The following ATP2B2 variants were observed in gnomAD, a reference collection of about 807,000 sequenced individuals.
The protein encoded by ATP2B2 is plasma membrane calcium-transporting ATPase 2.
In ATP2B2, 15 loss-of-function variants were observed where a neutral mutation model predicts 120.0. The ratio of observed to expected loss-of-function variants is 0.12; its 90% CI spans 0.08 to 0.19. The LOEUF is 0.19. Among genes scored for constraint, ATP2B2 ranks in the 10% least tolerant of loss-of-function variants. The probability of loss-of-function intolerance (pLI) is 1.00; values close to 1 mark genes in which losing one functional copy is unlikely to be tolerated. For synonymous variants in ATP2B2, 694 were observed against 700.3 expected (o/e 0.99, Z 0.14); for missense variants, 1,045 against 1,719.8 (o/e 0.61, Z 6.94).
rs1185431696 is a variant in ATP2B2, at chr3:10,400,977, C to T, written c.757G>A (p.Asp253Asn). The change falls in exon 5 of 23, where the codon GAC (aspartate) becomes AAC (asparagine). Residue 253 changes from aspartate (D) to asparagine (N), a missense_variant. By Grantham distance (23) the Asp-to-Asn change is conservative. Transcript: ENST00000360273. ...GESDQVRKSV[D>N]KDPMLLSGTH... ...CCTGACAGCAGCATGGGGTCCTTGTCCACGGACTTGCGCACCTGGTCAGAC... is the reference window on the plus strand; with the variant it reads ...CCTGACAGCAGCATGGGGTCCTTGTTCACGGACTTGCGCACCTGGTCAGAC... The T allele has an allele frequency of 1.2e-6, 2 of 1,614,120 alleles. No homozygotes were observed. The highest frequency in any genetic ancestry group is 1.7e-6 in the Non-Finnish European group (2 of 1,180,014).
intron 1 of ATP2B2, among the ~76,000 whole-genome samples, chr3:10,476,765 C>G (rs1261958024): frequency 6.6e-6 from 1 of 152,254 alleles, no homozygotes; most frequent in Non-Finnish European, 1.5e-5. Flanking sequence ...TAAATTTTTT[C>G]TGCCTCCTTC....
chr3:10,651,589 T>C (rs915752410), intron 1 of ATP2B2, among the ~76,000 whole-genome samples: 5 of 152,190 alleles, frequency 3.3e-5, no homozygotes, highest in African/African-American at 9.7e-5. Flanking sequence ...CTCAGCCACA[T>C]GAAAATGGAG....
chr3:10,525,933 C>T (rs1340098356), intron 3 of ATP2B2, among the ~76,000 whole-genome samples: 3 of 152,174 alleles, frequency 2.0e-5, no homozygotes, highest in African/African-American at 4.8e-5. Context: ...GTATTCATTA[C>T]ACAGTAGATG....
chr3:10,445,068 G>A (rs2063793165), intron 2 of ATP2B2, among the ~76,000 whole-genome samples: 1 of 152,244 alleles, frequency 6.6e-6, no homozygotes, highest in African/African-American at 2.4e-5. Context: ...GGCACCGCCA[G>A]TGTCTTGTCT....
At chr3:10,351,969 T>C (rs1044628168) in intron 14 of ATP2B2, among the ~76,000 whole-genome samples, 1 of 152,218 alleles carries the variant, frequency 6.6e-6, no homozygotes, top group Non-Finnish European at 1.5e-5. Flanking sequence ...GACAGCAAAC[T>C]GCTCTTGAGC....
intron 2 of ATP2B2, among the ~76,000 whole-genome samples, chr3:10,583,112 G>A (rs1482753461): frequency 2.0e-5 from 3 of 152,154 alleles, no homozygotes; most frequent in Non-Finnish European, 4.4e-5. Flanking sequence ...TCACGACCTC[G>A]GTTTGCTCAA....
intron 2 of ATP2B2, chr3:10,566,115 C>A (rs2068004363): frequency 1.3e-5 from 2 of 152,484 alleles, no homozygotes; most frequent in Admixed American, 6.5e-5. Flanking sequence ...CCCTCCAACT[C>A]TCTTATTCAT....
At chr3:10,526,313 C>T (rs1315123118) in intron 3 of ATP2B2, among the ~76,000 whole-genome samples, 1 of 152,174 alleles carries the variant, frequency 6.6e-6, no homozygotes, top group East Asian at 1.9e-4. Flanking sequence ...TGAGCATGAC[C>T]CCCAGACTGT....
intron 8 of ATP2B2, among the ~76,000 whole-genome samples, chr3:10,380,750 C>T (rs1031360187): frequency 6.6e-6 from 1 of 152,204 alleles, no homozygotes; most frequent in Non-Finnish European, 1.5e-5. Context: ...CTTCATTTCA[C>T]CACCAACTAG....
chr3:10,672,742 G>A (rs2071132641), intron 1 of ATP2B2, among the ~76,000 whole-genome samples: 1 of 152,238 alleles, frequency 6.6e-6, no homozygotes, highest in African/African-American at 2.4e-5. Flanking sequence ...AGAAAGTGCT[G>A]TAAAATGACA....
At chr3:10,696,386 G>A (rs1020400377) in intron 1 of ATP2B2, among the ~76,000 whole-genome samples, 3 of 152,190 alleles carry the variant, frequency 2.0e-5, no homozygotes, top group African/African-American at 4.8e-5. Context: ...AGGATGAGCT[G>A]CGATTGATTC....
chr3:10,438,657 G>A (rs748910295), intron 2 of ATP2B2, among the ~76,000 whole-genome samples: 14 of 152,168 alleles, frequency 9.2e-5, no homozygotes, highest in East Asian at 3.9e-4. Flanking sequence ...TAAGATAATC[G>A]TTGTGGGGTG....
At chr3:10,410,575 G>A (rs1447408919) in intron 3 of ATP2B2, 43 bp downstream of exon 3, 1 of 1,551,984 alleles carries the variant, frequency 6.4e-7, no homozygotes, top group South Asian at 1.2e-5. Context: ...GGATGCGGTG[G>A]CCAGGTGTGC....
intron 2 of ATP2B2, among the ~76,000 whole-genome samples, chr3:10,612,391 A>C (rs4684726): frequency 0.89 from 135,267 of 152,076 alleles, 60,188 homozygotes; most frequent in Middle Eastern, 0.96. Context: ...TGGCCTGTAG[A>C]AGCATTTGAC....
intron 2 of ATP2B2, among the ~76,000 whole-genome samples, chr3:10,594,323 C>T (rs113248194): frequency 4.6e-5 from 7 of 152,062 alleles, no homozygotes; most frequent in African/African-American, 1.7e-4. Flanking sequence ...AACCCAAATG[C>T]CCAAAAATGA....
intron 1 of ATP2B2, among the ~76,000 whole-genome samples, chr3:10,701,615 A>T (rs2071820556): frequency 7.0e-6 from 1 of 143,218 alleles, no homozygotes; most frequent in African/African-American, 2.6e-5. Flanking sequence ...TGAGGATGCA[A>T]TTTTTTTTTT....
intron 1 of ATP2B2, among the ~76,000 whole-genome samples, chr3:10,481,702 C>T (rs1375165833): frequency 3.9e-5 from 6 of 152,026 alleles, no homozygotes; most frequent in Non-Finnish European, 7.4e-5. Flanking sequence ...TACAGGCGCC[C>T]GCCACCACGC....
intron 1 of ATP2B2, among the ~76,000 whole-genome samples, chr3:10,630,002 T>G (rs949104120): frequency 1.3e-5 from 2 of 152,204 alleles, no homozygotes; most frequent in South Asian, 4.2e-4. Flanking sequence ...CCCCTTATCC[T>G]CGGGGACAGA....
chr3:10,384,071 A>G (rs1481857782), intron 8 of ATP2B2, among the ~76,000 whole-genome samples: 1 of 152,128 alleles, frequency 6.6e-6, no homozygotes, highest in Non-Finnish European at 1.5e-5. Flanking sequence ...CCTGAAATAG[A>G]GCCATACCAG....
Sources: allele counts gnomAD v4.1 joint callset (sites outside exome capture counted in the v4.1 genomes callset), GRCh38; gene constraint gnomAD v4.1.1; transcripts MANE v1.5; gene names NCBI Gene and HGNC (gene_info 2026-07-23, HGNC 2026-07-21).